Variants in GRK3 observed in about 807,000 individuals in gnomAD.
GRK3 encodes G protein-coupled receptor kinase 3, also known as adrenergic, beta, receptor kinase 2.
Under a neutral mutation model 95.7 loss-of-function variants are expected in GRK3, and 54 were observed. The ratio of observed to expected loss-of-function variants is 0.56; its 90% CI spans 0.45 to 0.71. GRK3 has a LOEUF of 0.71. GRK3 is among the 30% of genes least tolerant of loss of function. The pLI, the probability that GRK3 is intolerant of heterozygous loss-of-function variation, is 0.00. For missense variants in GRK3, 649 were observed against 851.2 expected, an observed-to-expected ratio of 0.76 and a Z score of 2.96; for synonymous variants, 281 against 290.8, an observed-to-expected ratio of 0.97 and a Z score of 0.34.
chr22:25,632,229 T>C (rs1162710476), intron 2 of GRK3, among the ~76,000 whole-genome samples: 1 of 152,248 alleles, frequency 6.6e-6, no homozygotes, highest in Admixed American at 6.5e-5. Flanking sequence ...TTTTTTGCTT[T>C]TGTTATTCTA....
At chr22:25,617,845 C>T (rs1486678824) in intron 2 of GRK3, among the ~76,000 whole-genome samples, 1 of 152,156 alleles carries the variant, frequency 6.6e-6, no homozygotes, top group Non-Finnish European at 1.5e-5. Flanking sequence ...GGCTTGATCT[C>T]GGCTCCATGC....
In GRK3 at chr22:25,709,912, A is replaced by G; in HGVS notation, c.1343A>G (p.Lys448Arg). The part of the protein sequence containing the change: ...GCHGGGSQEV[K>R]EHSFFKGVDW... ...TTCTCCTCCAGCTCACAGGAAGTAA[A>G]AGAGCACAGCTTTTTCAAAGGTGTT... Residue 448 changes from lysine to arginine, a missense_variant, in exon 16 of 21, where the codon AAA (lysine) becomes AGA (arginine). Physicochemically the swap from Lys to Arg is conservative, Grantham distance 26. Around this residue, in one of 3 missense-constraint regions of GRK3, gnomAD observed 382 missense variants for 493.8 expected, o/e 0.77. Transcript: ENST00000324198. The G allele has an allele frequency of 1.2e-6, 2 of 1,613,840 alleles. No individual in the cohort carries two copies. Among genetic ancestry groups the G allele is most frequent in the Non-Finnish European group, 1.7e-6 (2 of 1,179,724 alleles).
chr22:25,678,434 A>G (rs935276138), intron 8 of GRK3, among the ~76,000 whole-genome samples: 1 of 152,192 alleles, frequency 6.6e-6, no homozygotes, highest in African/African-American at 2.4e-5. Flanking sequence ...AGCCTGGGCA[A>G]CAGAGTGAGA....
chr22:25,594,693 A>T (rs1419969940), intron 1 of GRK3, among the ~76,000 whole-genome samples: 9 of 152,088 alleles, frequency 5.9e-5, no homozygotes, highest in African/African-American at 2.2e-4. Context: ...CCTGGCTAAC[A>T]TGGTGAAACC....
chr22:25,653,728 C>G (rs942115042), intron 3 of GRK3, among the ~76,000 whole-genome samples: 1 of 152,164 alleles, frequency 6.6e-6, no homozygotes, highest in Admixed American at 6.5e-5. Context: ...GAATCTTGCT[C>G]TGTTGCCCAG....
intron 12 of GRK3, among the ~76,000 whole-genome samples, chr22:25,694,778 C>G (rs2085193595): frequency 6.6e-6 from 1 of 152,226 alleles, no homozygotes; most frequent in Admixed American, 6.5e-5. Context: ...CCCCTGACCC[C>G]ATGCACCTCC....
At chr22:25,624,018 G>T (rs1330049800) in intron 2 of GRK3, among the ~76,000 whole-genome samples, 1 of 152,162 alleles carries the variant, frequency 6.6e-6, no homozygotes, top group African/African-American at 2.4e-5. Context: ...ACATAGTCTG[G>T]TCACGGTGTG....
rs556040235 is a variant in GRK3, at chr22:25,721,821, T to C, written c.1905+424T>C. Among the ~76,000 whole-genome samples the C allele has an allele frequency of 9.2e-5, 14 of 152,374 alleles. No homozygotes were observed. The South Asian group carries it at 2.5e-3, about 27-fold the overall frequency. ...ACACAAATTTCATTCCTGGACACTT[T>C]GTGACTGGTTCACTAGTGTGTGTGT... is the stretch of plus-strand genomic sequence containing the variant. On this transcript the variant is annotated intron_variant, in intron 20 of 20. Transcript: ENST00000324198.
rs144039018 is a variant in GRK3 at position 25,718,943 on chromosome 22, A to G, written c.1791+562A>G. Among the ~76,000 whole-genome samples, 731 of 152,374 alleles carry G rather than the reference A, an allele frequency of 4.8e-3. 2 individuals carry two copies. Among genetic ancestry groups the G allele is most frequent in the Middle Eastern group, 0.01 (3 of 294 alleles). On this transcript the variant is annotated intron_variant, in intron 19 of 20. Transcript: ENST00000324198. Reference sequence around the variant, plus strand: ...AACTAATACAGAAAAAAAACAACACAGTCTAACGACTGTTTACATAGCATT... The same window carrying G: ...AACTAATACAGAAAAAAAACAACACGGTCTAACGACTGTTTACATAGCATT...
At chr22:25,612,850 TAAAAAA>T (rs529309150) in intron 2 of GRK3, among the ~76,000 whole-genome samples, 1 of 136,094 alleles carries the variant, frequency 7.3e-6, no homozygotes, top group Non-Finnish European at 1.6e-5. Context: ...CTCTAAAAGT[TAAAAAA>T]AAAAAAAATC....
chr22:25,662,206 C>T (rs1202503674), intron 4 of GRK3, among the ~76,000 whole-genome samples: 1 of 152,068 alleles, frequency 6.6e-6, no homozygotes, highest in Non-Finnish European at 1.5e-5. Context: ...GGAAATTATT[C>T]TATCAGGAGT....
intron 6 of GRK3, among the ~76,000 whole-genome samples, chr22:25,671,856 AG>A (rs1283321922): frequency 2.0e-5 from 3 of 152,250 alleles, no homozygotes; most frequent in Admixed American, 6.5e-5. Context: ...AAATGTGATG[AG>A]TCTAAATTAA....
chr22:25,706,656 G>A (rs1022713953), intron 15 of GRK3, among the ~76,000 whole-genome samples: 5 of 151,986 alleles, frequency 3.3e-5, no homozygotes, highest in South Asian at 2.1e-4. Flanking sequence ...TCAGCTTCCC[G>A]AGTAGCTGGG....
intron 9 of GRK3, among the ~76,000 whole-genome samples, chr22:25,684,266 TA>T (rs749989012): frequency 8.5e-5 from 13 of 152,266 alleles, no homozygotes; most frequent in Non-Finnish European, 1.8e-4. Flanking sequence ...TGCTTTCTAA[TA>T]AGTCTTGATA....
intron 2 of GRK3, among the ~76,000 whole-genome samples, chr22:25,643,155 C>T (rs1046836812): frequency 3.9e-5 from 6 of 152,176 alleles, no homozygotes; most frequent in East Asian, 1.9e-4. Context: ...TACTAACATA[C>T]GAACAGATAG....
At chr22:25,634,534 A>G (rs2084686394) in intron 2 of GRK3, among the ~76,000 whole-genome samples, 1 of 152,236 alleles carries the variant, frequency 6.6e-6, no homozygotes, top group Admixed American at 6.5e-5. Flanking sequence ...CTCTTGGAAC[A>G]TGTAACTGAT....
Position 25,726,251 on chromosome 22 carries a change from A to G in GRK3, c.*3801A>G, listed in dbSNP as rs1052381151. On this transcript the variant is annotated 3_prime_UTR_variant, in exon 21 of 21. Coordinates refer to ENST00000324198, the MANE Select transcript of GRK3 (RefSeq NM_005160.4). ...CGGAATTTGTAGCTGGGCCAATTCA[A>G]CACATTTTACTTTTCAGTGGAATTG... The G allele has an allele frequency of 6.6e-6, 1 of 152,226 alleles. No homozygotes were observed. The highest frequency in any genetic ancestry group is 2.4e-5 in the African/African-American group (1 of 41,460). 9.4% of individuals were successfully genotyped at this position (152,226 alleles called of 1,614,324 possible). A position where few individuals can be genotyped will look rare whatever the true frequency, so the allele number is the denominator to read the frequency against.
At chr22:25,591,003 A>C (rs1048138511) in intron 1 of GRK3, among the ~76,000 whole-genome samples, 2 of 152,054 alleles carry the variant, frequency 1.3e-5, no homozygotes, top group Non-Finnish European at 2.9e-5. Flanking sequence ...ACACCACCTT[A>C]AGTTAGCAGA....
At chr22:25,625,422 G>A (rs575697456) in intron 2 of GRK3, among the ~76,000 whole-genome samples, 1 of 152,320 alleles carries the variant, frequency 6.6e-6, no homozygotes, top group South Asian at 2.1e-4. Flanking sequence ...CCCAGACAGG[G>A]CCACCAGAAG....
Sources: allele counts gnomAD v4.1 joint callset (sites outside exome capture counted in the v4.1 genomes callset), GRCh38; gene constraint gnomAD v4.1.1; regional missense constraint gnomAD v4.1.1; transcripts MANE v1.5; gene names NCBI Gene and HGNC (gene_info 2026-07-23, HGNC 2026-07-21).